ESR1: variants seen among roughly 807,000 people sequenced by gnomAD.
ESR1 encodes the protein estrogen receptor.
Under a neutral mutation model 52.7 loss-of-function variants are expected in ESR1, and 12 were observed. The ratio of observed to expected loss-of-function variants is 0.23; its 90% CI spans 0.15 to 0.37. ESR1 has a LOEUF of 0.37. ESR1 is among the 10% of genes least tolerant of loss of function. The pLI is 1.00. For synonymous variants in ESR1, 305 were observed against 316.8 expected (o/e 0.96, Z 0.39); for missense variants, 584 against 779.7 (o/e 0.75, Z 2.99).
intron 1 of ESR1, among the ~76,000 whole-genome samples, chr6:151,674,374 T>C (rs1778181500): frequency 6.6e-6 from 1 of 152,240 alleles, no homozygotes; most frequent in Non-Finnish European, 1.5e-5. Flanking sequence ...TTCTTTTTTA[T>C]GGTTGCATAG....
intron 4 of ESR1, among the ~76,000 whole-genome samples, chr6:152,006,927 T>G (rs977796505): frequency 9.9e-5 from 15 of 152,246 alleles, no homozygotes; most frequent in Admixed American, 3.3e-4. Flanking sequence ...TTTTTTCTTT[T>G]GCAGTGTTTC....
intron 2 of ESR1, among the ~76,000 whole-genome samples, chr6:151,756,890 T>C (rs1030501152): frequency 9.9e-5 from 15 of 152,206 alleles, no homozygotes; most frequent in African/African-American, 3.4e-4. Flanking sequence ...CTCGGGAGGC[T>C]GAGGCACAAG....
chr6:152,051,354 A>C lies in ESR1; in HGVS notation c.1236-9637A>C, dbSNP rs553646582. ...TCCATCCCCAGGCTGCCCAGCACTG[A>C]TGAAAACAAAACAAAAACAAACAAG... On this transcript the variant is annotated intron_variant, in intron 5 of 7. Coordinates refer to ENST00000206249, the MANE Select transcript of ESR1 (RefSeq NM_000125.4). 4.3e-4 allele frequency among the ~76,000 whole-genome samples: 66 copies of C among 152,266 alleles called. No individual in the cohort carries two copies. In the South Asian group the frequency reaches 0.013, roughly 31 times the overall value.
chr6:151,784,228 A>C (rs1393559501), intron 2 of ESR1, among the ~76,000 whole-genome samples: 1 of 152,050 alleles, frequency 6.6e-6, no homozygotes, highest in Non-Finnish European at 1.5e-5. Context: ...TATGTACACA[A>C]ATTATTTGGA....
At chr6:151,873,550 G>T (rs2128314697) in intron 2 of ESR1, among the ~76,000 whole-genome samples, 1 of 152,230 alleles carries the variant, frequency 6.6e-6, no homozygotes, top group East Asian at 1.9e-4. Flanking sequence ...GGCAGTTGCT[G>T]GTTTATATAA....
upstream of ESR1, among the ~76,000 whole-genome samples, chr6:151,686,513 G>A (rs7757060): frequency 6.9e-3 from 1,054 of 152,220 alleles, 10 homozygotes; most frequent in African/African-American, 0.023. Context: ...GTGAAACCCC[G>A]TCTCTACTAA....
At chr6:151,743,932 A>T (rs1293105024) in intron 2 of ESR1, among the ~76,000 whole-genome samples, 4 of 152,044 alleles carry the variant, frequency 2.6e-5, no homozygotes, top group African/African-American at 9.7e-5. Flanking sequence ...CCGGCCCCTG[A>T]TAATCACTCA....
At chr6:151,880,181 GTTTTTTTTT>G (rs71017515) in intron 2 of ESR1, among the ~76,000 whole-genome samples, 3 of 116,354 alleles carry the variant, frequency 2.6e-5, no homozygotes, top group Non-Finnish European at 3.3e-5. Context: ...TTTTTGTTCT[GTTTTTTTTT>G]TTTTTTTTTT....
At chr6:151,731,542 G>A (rs376328029) in intron 2 of ESR1, among the ~76,000 whole-genome samples, 18 of 152,170 alleles carry the variant, frequency 1.2e-4, no homozygotes, top group African/African-American at 2.2e-4. Flanking sequence ...CCAGGTTCTC[G>A]CTGCCTCGTG....
intron 4 of ESR1, among the ~76,000 whole-genome samples, chr6:151,985,507 CAAAAAAAAAAA>C (rs560626079): frequency 3.9e-5 from 2 of 51,340 alleles, no homozygotes; most frequent in African/African-American, 2.4e-4. Flanking sequence ...GACTCTGTCT[CAAAAAAAAAAA>C]AAAAAAAAAA....
At chr6:151,669,171 A>AGAG (rs1777947830) in intron 1 of ESR1, among the ~76,000 whole-genome samples, 1 of 106,630 alleles carries the variant, frequency 9.4e-6, no homozygotes. Context: ...AGAGAGAGAG[A>AGAG]GAGAGAGAGA....
At chr6:151,846,299 T>G (rs1785110342) in intron 2 of ESR1, among the ~76,000 whole-genome samples, 1 of 152,240 alleles carries the variant, frequency 6.6e-6, no homozygotes, top group Non-Finnish European at 1.5e-5. Flanking sequence ...AGTAATTGAT[T>G]TCCTTTATAC....
intron 6 of ESR1, among the ~76,000 whole-genome samples, chr6:152,080,152 G>A: frequency 6.6e-6 from 1 of 152,072 alleles, no homozygotes; most frequent in Admixed American, 6.6e-5. Flanking sequence ...ACACTACAAA[G>A]ATACTCCTCA....
intron 7 of ESR1, chr6:152,096,796 T>C (rs2050647996): frequency 2.6e-6 from 1 of 381,068 alleles, no homozygotes; most frequent in Non-Finnish European, 5.4e-6. Flanking sequence ...AAGCCATGAG[T>C]GGATTAGATG....
At chr6:151,805,045 C>T (rs558554550), upstream of ESR1, 28 of 152,230 alleles carry the variant, frequency 1.8e-4, no homozygotes, top group African/African-American at 4.8e-4. Flanking sequence ...TTTAATAATA[C>T]GTATTTTTCA....
intron 2 of ESR1, among the ~76,000 whole-genome samples, chr6:151,739,088 C>T (rs771034734): frequency 2.0e-5 from 3 of 152,174 alleles, no homozygotes; most frequent in Non-Finnish European, 4.4e-5. Context: ...ATATTTCATG[C>T]TTTATCTTAT....
At position 151,792,420 on chromosome 6, in the gene ESR1, A is replaced by AT. The variant is rs972424937; in HGVS notation, c.-70-15412dup. Among the ~76,000 whole-genome samples, 523 of 147,576 alleles carry AT rather than the reference A, an allele frequency of 3.5e-3. 6 individuals are homozygous for AT. The highest frequency in any genetic ancestry group is 0.03 in the East Asian group (152 of 5,104). ...TAATAAGTGAACATTAGCTTACTGT[A>AT]TTTTTTTTTTTACTTTATAAACTTT... On this transcript the variant is annotated intron_variant, in intron 2 of 2. Coordinates refer to the ESR1 transcript ENST00000404742.
chr6:151,944,202 A>G lies in ESR1; in HGVS notation c.790A>G (p.Met264Val). ...GIRKDRRGGR[M>V]LKHKRQRDDG... ...ACGAAAAGACCGAAGAGGAGGGAGA[A>G]TGTTGAAACACAAGCGCCAGAGAGA... is the stretch of plus-strand genomic sequence containing the variant. The change falls in exon 4 of 8, where the codon ATG (methionine) becomes GTG (valine). Residue 264 changes from methionine (M) to valine (V), a missense_variant. Around this residue, in one of 6 missense-constraint regions of ESR1, gnomAD observed 88 missense variants for 88.3 expected, o/e 1.00. Transcript: ENST00000206249. 6.2e-7 allele frequency: 1 copy of G among 1,614,122 alleles called. No individual in the cohort carries two copies. The highest frequency in any genetic ancestry group is 1.1e-5 in the South Asian group (1 of 91,070).
At chr6:152,049,196 A>G (rs1050646207) in intron 5 of ESR1, among the ~76,000 whole-genome samples, 3 of 152,228 alleles carry the variant, frequency 2.0e-5, no homozygotes, top group Non-Finnish European at 4.4e-5. Flanking sequence ...TTGGCAAACC[A>G]TTCAAACCCA....
Sources: gnomAD v4.1 joint callset for allele counts (sites outside exome capture counted in the v4.1 genomes callset) on GRCh38, gnomAD v4.1.1 for gene constraint, gnomAD v4.1.1 regional missense constraint, MANE v1.5 for transcripts, NCBI Gene and HGNC (gene_info 2026-07-23, HGNC 2026-07-21) for gene names.